SGSM1: variants seen among roughly 807,000 people sequenced by gnomAD.
SGSM1 encodes the protein small G protein signaling modulator 1.
In SGSM1, 73 loss-of-function variants were observed where a neutral mutation model predicts 133.8. The ratio of observed to expected loss-of-function variants is 0.55; its 90% confidence interval spans 0.45 to 0.66. The LOEUF (loss-of-function observed/expected upper bound fraction) is 0.66. Among genes scored for constraint, SGSM1 ranks in the 30% least tolerant of loss-of-function variants. SGSM1 has a pLI of 0.00. For missense variants in SGSM1, 1,213 were observed against 1,448.1 expected (o/e 0.84, Z 2.64); for synonymous variants, 563 against 573.0 (o/e 0.98, Z 0.25).
intron 3 of SGSM1, among the ~76,000 whole-genome samples, chr22:24,846,045 T>C (rs13055383): frequency 1.4e-5 from 2 of 147,076 alleles, no homozygotes; most frequent in African/African-American, 2.5e-5. Flanking sequence ...TTCTTTCTTT[T>C]TTTTTTTTTT....
intron 16 of SGSM1, 108 bp from the exon 17 acceptor site, chr22:24,893,309 TCTGCTGGATGTTAA>T (rs1330917798): frequency 9.7e-7 from 1 of 1,028,478 alleles, no homozygotes; most frequent in Non-Finnish European, 1.4e-6. Context: ...TCAGTTAATA[TCTGCTGGATGTTAA>T]CTGCGTGAAT....
chr22:24,886,839 G>A, intron 16 of SGSM1, 111 bp downstream of exon 16: 1 of 1,339,724 alleles, frequency 7.5e-7, no homozygotes, highest in Non-Finnish European at 1.0e-6. Flanking sequence ...GGGAGATACG[G>A]GGAAGATGGG....
chr22:24,872,683 C>T (rs1045988534), intron 12 of SGSM1, among the ~76,000 whole-genome samples: 1 of 152,160 alleles, frequency 6.6e-6, no homozygotes, highest in African/African-American at 2.4e-5. Context: ...CTTTGCGGGG[C>T]CGAGGCAGGC....
rs1267863491 is a variant in SGSM1, at chr22:24,806,352, G to A, written c.19+8G>A. On this transcript the variant is annotated splice_region_variant and intron_variant, in intron 1 of 24. Transcript: ENST00000400358. ...TGGCCTCGGCCCCCGCGGGTAAGAG[G>A]CCGCTGGACACGAGGGCGGCGGGAG... is the stretch of plus-strand genomic sequence containing the variant. 1 of 1,487,252 alleles carries A rather than the reference G, an allele frequency of 6.7e-7. No individual in the cohort carries two copies. Among genetic ancestry groups the A allele is most frequent in the Admixed American group, 2.4e-5 (1 of 41,056 alleles). 92.1% of individuals were successfully genotyped at this position (1,487,252 alleles called of 1,614,324 possible). A position where few individuals can be genotyped will look rare whatever the true frequency, so the allele number is the denominator to read the frequency against.
rs1053815204 is a variant in SGSM1, at chr22:24,913,318, A to T, written c.2928+566A>T. On this transcript the variant is annotated intron_variant, in intron 22 of 24. Transcript: ENST00000400358. ...AAAAAAAAAAAAAAAAAAGAAAGAA[A>T]AAAAGAAGTGCAAATTACTGGGCAC... Among the ~76,000 whole-genome samples, 6 of 151,882 alleles carry T rather than the reference A, an allele frequency of 4.0e-5. No individual in the cohort carries two copies. In the South Asian group the frequency reaches 1.0e-3, roughly 26 times the overall value.
chr22:24,883,919 T>C, intron 14 of SGSM1, 134 bp from the exon 15 acceptor site: 1 of 1,061,696 alleles, frequency 9.4e-7, no homozygotes. Flanking sequence ...TAATAATAAA[T>C]AATAGAGCAA....
At chr22:24,876,268 G>A (rs1393353609) in intron 12 of SGSM1, among the ~76,000 whole-genome samples, 3 of 152,198 alleles carry the variant, frequency 2.0e-5, no homozygotes, top group Non-Finnish European at 2.9e-5. Flanking sequence ...GCATGACTAA[G>A]TGACAACATG....
intron 3 of SGSM1, among the ~76,000 whole-genome samples, chr22:24,847,327 G>C (rs186156345): frequency 2.3e-3 from 344 of 152,292 alleles, no homozygotes; most frequent in Non-Finnish European, 4.0e-3. Flanking sequence ...CCCCCTGAGA[G>C]CACTGGTTTG....
Position 24,912,727 on chromosome 22 carries a change from T to G in SGSM1, c.2903T>G (p.Phe968Cys). 1.2e-6 allele frequency: 2 copies of G among 1,613,330 alleles called. No individual in the cohort carries two copies. Among genetic ancestry groups the G allele is most frequent in the Middle Eastern group, 1.7e-4 (1 of 6,060 alleles). Residue 968 changes from phenylalanine to cysteine, a missense_variant, in exon 22 of 25, where the codon TTT (phenylalanine) becomes TGT (cysteine). Phe to Cys is a radical substitution (Grantham distance 205). Transcript: ENST00000400358. ...CACGGAGGCGCCATGGACACGCACTTTGCAAACATGAGATCGTTGATCCAG... is the reference window on the plus strand; with the variant it reads ...CACGGAGGCGCCATGGACACGCACTGTGCAAACATGAGATCGTTGATCCAG... ...FPHGGAMDTH[F>C]ANMRSLIQIL... is the part of the protein sequence containing the mutation.
chr22:24,852,602 C>A (rs1349400249), intron 5 of SGSM1, among the ~76,000 whole-genome samples: 1 of 152,116 alleles, frequency 6.6e-6, no homozygotes, highest in Non-Finnish European at 1.5e-5. Flanking sequence ...CACCACCACT[C>A]CTGGCTAATT....
chr22:24,811,919 A>G (rs1302225231), intron 2 of SGSM1, among the ~76,000 whole-genome samples: 2 of 151,830 alleles, frequency 1.3e-5, no homozygotes, highest in East Asian at 1.9e-4. Context: ...TGCCTGTAAC[A>G]GCACTTTGGG....
intron 2 of SGSM1, among the ~76,000 whole-genome samples, chr22:24,833,636 G>A (rs943402223): frequency 2.0e-5 from 3 of 147,256 alleles, no homozygotes; most frequent in Non-Finnish European, 4.5e-5. Context: ...CCAGCCTGGC[G>A]ACAGAGCGAG....
In SGSM1 at chr22:24,840,974, T is replaced by C. The variant is rs375739596; in HGVS notation, c.64-3923T>C. Among the ~76,000 whole-genome samples the C allele has an allele frequency of 2.8e-4, 43 of 152,136 alleles. No homozygotes were observed. In the South Asian group the frequency reaches 3.5e-3, roughly 12 times the overall value. On this transcript the variant is annotated intron_variant, in intron 2 of 24. Coordinates refer to ENST00000400358, the MANE Select transcript of SGSM1 (RefSeq NM_001098497.3). ...CACACCATTCTCTTGCCTCAGCCTCTCGAGTAGCTGGGACTACAGGCGCCC... is the reference window on the plus strand; with the variant it reads ...CACACCATTCTCTTGCCTCAGCCTCCCGAGTAGCTGGGACTACAGGCGCCC...
chr22:24,849,032 G>T (rs564546906), intron 4 of SGSM1, among the ~76,000 whole-genome samples: 1 of 152,284 alleles, frequency 6.6e-6, no homozygotes, highest in Admixed American at 6.5e-5. Flanking sequence ...ATTTGTCATG[G>T]GCCTTCCACA....
At chr22:24,879,615 T>C in intron 14 of SGSM1, 89 bp downstream of exon 14, 1 of 1,323,026 alleles carries the variant, frequency 7.6e-7, no homozygotes, top group Non-Finnish European at 1.1e-6. Context: ...ATACTGGCTC[T>C]GGAGTTTGAA....
chr22:24,868,557 C>A lies in SGSM1; in HGVS notation c.1158+18C>A. 4.3e-6 allele frequency: 7 copies of A among 1,613,490 alleles called. No homozygotes were observed. Among genetic ancestry groups the A allele is most frequent in the Non-Finnish European group, 5.9e-6 (7 of 1,179,774 alleles). ...GGGGTAAGGTGAGTGATCATCGGGA[C>A]CCAGGGAGGCTGGGGTGGAGGCTGG... On this transcript the variant is annotated intron_variant, in intron 11 of 24. Coordinates refer to ENST00000400358, the MANE Select transcript of SGSM1 (RefSeq NM_001098497.3).
rs546082679 is a variant in SGSM1 at position 24,845,735 on chromosome 22, G to A, written c.139+763G>A. ...ATGGCTGGGGGCACCACCCCACGGG[G>A]CCCACAACATGCTGAGCACACGCTG... On this transcript the variant is annotated intron_variant, in intron 3 of 24. Coordinates refer to ENST00000400358, the MANE Select transcript of SGSM1 (RefSeq NM_001098497.3). 1.1e-4 allele frequency among the ~76,000 whole-genome samples: 17 copies of A among 152,240 alleles called. No homozygotes were observed. The East Asian group carries it at 3.3e-3, about 29-fold the overall frequency.
At position 24,919,798 on chromosome 22, in the gene SGSM1, C is replaced by T. The variant is rs1933943137; in HGVS notation, c.3026-28C>T. 1.9e-6 allele frequency: 3 copies of T among 1,612,682 alleles called. No individual in the cohort carries two copies. In the African/African-American group the frequency reaches 4.0e-5, roughly 22 times the overall value. On this transcript the variant is annotated intron_variant, in intron 23 of 24. Coordinates refer to ENST00000400358, the MANE Select transcript of SGSM1 (RefSeq NM_001098497.3). ...CACTGTGAGCCCCGTCACCAATTCT[C>T]TCCCCATGTGTGTTGGTGTCTTGGC...
At chr22:24,882,979 G>A (rs1932416739) in intron 14 of SGSM1, among the ~76,000 whole-genome samples, 1 of 151,184 alleles carries the variant, frequency 6.6e-6, no homozygotes, top group East Asian at 2.0e-4. Context: ...CTCACTGCAA[G>A]CTCCGCCTCC....
Sources: allele counts gnomAD v4.1 joint callset (sites outside exome capture counted in the v4.1 genomes callset), GRCh38; gene constraint gnomAD v4.1.1; transcripts MANE v1.5; gene names NCBI Gene and HGNC (gene_info 2026-07-23, HGNC 2026-07-21).